The following PTER variants were observed in gnomAD, a reference collection of about 807,000 sequenced individuals.
PTER encodes the protein N-acetyltaurine hydrolase.
A neutral mutation model predicts 29.6 loss-of-function variants in PTER; 38 were observed. That is an observed-to-expected ratio of 1.28 (90% CI 0.99 to 1.68). The LOEUF is 1.68. Ranked by LOEUF, PTER falls within the 40% of genes most tolerant of loss-of-function variation. The pLI, the probability that PTER is intolerant of heterozygous loss-of-function variation, is 0.00. For synonymous variants in PTER, 172 were observed against 154.5 expected (o/e 1.11, Z -0.84); for missense variants, 482 against 427.8 (o/e 1.13, Z -1.12).
At chr10:16,442,980 T>TAA (rs1833897911) in intron 1 of PTER, among the ~76,000 whole-genome samples, 2 of 151,928 alleles carry the variant, frequency 1.3e-5, no homozygotes, top group African/African-American at 4.8e-5. Context: ...TCAAAAACAA[T>TAA]AAAAATAAGA....
chr10:16,515,113 A>T (rs187052789), downstream of PTER, among the ~76,000 whole-genome samples: 2 of 152,212 alleles, frequency 1.3e-5, no homozygotes, highest in East Asian at 3.9e-4. Flanking sequence ...GCTGTTTATG[A>T]GTACAGAAGT....
At chr10:16,501,206 C>T (rs1273763601) in intron 3 of PTER, among the ~76,000 whole-genome samples, 1 of 152,120 alleles carries the variant, frequency 6.6e-6, no homozygotes, top group Non-Finnish European at 1.5e-5. Flanking sequence ...GCTGGGATTA[C>T]AGGTGTGAGC....
In PTER at chr10:16,480,192, C is replaced by CT. The variant is rs1835425205; in HGVS notation, c.-48-4145_-48-4144insT. Among the ~76,000 whole-genome samples, 3 of 100,242 alleles carry CT rather than the reference C, an allele frequency of 3.0e-5. No individual in the cohort carries two copies. The South Asian group carries it at 1.1e-3, about 38-fold the overall frequency. The allele number at this position is 100,242 out of a possible 152,430, so 65.8% of individuals were successfully genotyped here. ...ACTCAGTTTTGTAATTTGACTATAG[C>CT]ATTTTTTTTTTTTTTGAGATAGAGT... On this transcript the variant is annotated intron_variant, in intron 1 of 4. Coordinates refer to ENST00000535784, the MANE Select transcript of PTER (RefSeq NM_001261836.2).
intron 1 of PTER, among the ~76,000 whole-genome samples, chr10:16,477,661 A>C (rs1835329122): frequency 6.6e-6 from 1 of 152,164 alleles, no homozygotes; most frequent in Non-Finnish European, 1.5e-5. Context: ...TGGTTAACCA[A>C]GTTGCCCAAA....
At chr10:16,473,190 T>C (rs553604620) in intron 1 of PTER, among the ~76,000 whole-genome samples, 26 of 152,116 alleles carry the variant, frequency 1.7e-4, no homozygotes, top group African/African-American at 5.3e-4. Flanking sequence ...TGATGCAAAA[T>C]AAACACTAGA....
downstream of PTER, among the ~76,000 whole-genome samples, chr10:16,515,031 A>G (rs1234401854): frequency 1.3e-5 from 2 of 152,138 alleles, no homozygotes; most frequent in African/African-American, 4.8e-5. Flanking sequence ...CCCTATGCCC[A>G]ATCACATTTT....
chr10:16,499,422 TAATTA>T (rs890169672), intron 3 of PTER, among the ~76,000 whole-genome samples: 1 of 151,082 alleles, frequency 6.6e-6, no homozygotes, highest in African/African-American at 2.5e-5. Context: ...ATTTTTAATT[TAATTA>T]TTTTATTTAT....
intron 1 of PTER, among the ~76,000 whole-genome samples, chr10:16,446,942 C>A (rs1480794208): frequency 6.6e-6 from 1 of 152,038 alleles, no homozygotes; most frequent in Non-Finnish European, 1.5e-5. Flanking sequence ...GCGTGCGCTA[C>A]CATGCCCAGC....
chr10:16,476,316 G>A (rs1301847054), intron 1 of PTER, among the ~76,000 whole-genome samples: 8 of 151,992 alleles, frequency 5.3e-5, no homozygotes, highest in Non-Finnish European at 5.9e-5. Flanking sequence ...TCCTGACCTC[G>A]TGATCTGCCC....
At chr10:16,498,920 G>A (rs1007863868) in intron 3 of PTER, among the ~76,000 whole-genome samples, 24 of 152,312 alleles carry the variant, frequency 1.6e-4, no homozygotes, top group African/African-American at 5.5e-4. Flanking sequence ...GACGTTCACG[G>A]CGCAAGGTGC....
At chr10:16,496,551 G>T (rs1229940007) in intron 3 of PTER, among the ~76,000 whole-genome samples, 1 of 152,148 alleles carries the variant, frequency 6.6e-6, no homozygotes. Flanking sequence ...TTCACCAGGG[G>T]TTTTCTCCTC....
In PTER at chr10:16,470,594, C is replaced by A. The variant is rs559026681; in HGVS notation, c.-48-13743C>A. ...ACCAGCCTGGCCAACAGAGTGAAAC[C>A]CCATGTCTACTAAAAATACAAAACT... On this transcript the variant is annotated intron_variant, in intron 1 of 4. Transcript: ENST00000535784. 3.3e-5 allele frequency among the ~76,000 whole-genome samples: 5 copies of A among 152,172 alleles called. No individual in the cohort carries two copies. In the South Asian group the frequency reaches 8.3e-4, roughly 25 times the overall value.
chr10:16,455,708 C>G (rs114676456), intron 1 of PTER, among the ~76,000 whole-genome samples: 2,728 of 151,892 alleles, frequency 0.018, 91 homozygotes, highest in African/African-American at 0.064. Context: ...AAAGAGCAAG[C>G]CAAGAGGTAA....
chr10:16,459,721 G>GAGTT (rs1197021291), intron 1 of PTER, among the ~76,000 whole-genome samples: 2 of 148,718 alleles, frequency 1.3e-5, no homozygotes, highest in Admixed American at 6.7e-5. Context: ...GTATATTTCA[G>GAGTT]AGTTATTTAT....
At chr10:16,443,159 G>A (rs1436200439) in intron 1 of PTER, among the ~76,000 whole-genome samples, 1 of 152,126 alleles carries the variant, frequency 6.6e-6, no homozygotes, top group African/African-American at 2.4e-5. Flanking sequence ...TCTGGCAGCT[G>A]GAAGTCCCAG....
rs1034227135 is a variant in PTER, at chr10:16,511,630, G to A, written c.*374G>A. 1 of 198,488 alleles carries A rather than the reference G, an allele frequency of 5.0e-6. No homozygotes were observed. The highest frequency in any genetic ancestry group is 2.2e-3 in the Middle Eastern group (1 of 456). The allele number at this position is 198,488 out of a possible 1,614,324, so 12.3% of individuals were successfully genotyped here. A position where few individuals can be genotyped will look rare whatever the true frequency, so the allele number is the denominator to read the frequency against. On this transcript the variant is annotated 3_prime_UTR_variant, in exon 5 of 5. Transcript: ENST00000535784. The stretch of plus-strand genomic sequence containing the variant: ...TTATTTCCTTCTTGAGCGATCTAAT[G>A]TTTCTTGTAATATTGATGATCCTAC...
chr10:16,500,714 C>A (rs1175276070), intron 3 of PTER, among the ~76,000 whole-genome samples: 2 of 152,028 alleles, frequency 1.3e-5, no homozygotes, highest in East Asian at 3.9e-4. Flanking sequence ...TCCCTACAGT[C>A]CCTATTCATC....
chr10:16,473,328 A>G (rs561607514), intron 1 of PTER, among the ~76,000 whole-genome samples: 1 of 152,174 alleles, frequency 6.6e-6, no homozygotes, highest in East Asian at 1.9e-4. Context: ...ACCTCATGAT[A>G]TATTCATTAT....
At chr10:16,468,243 G>A (rs1387974970) in intron 1 of PTER, among the ~76,000 whole-genome samples, 3 of 152,160 alleles carry the variant, frequency 2.0e-5, no homozygotes, top group Non-Finnish European at 2.9e-5. Flanking sequence ...TCGGAAGGCC[G>A]AGGCAGGAGA....
Sources: allele counts gnomAD v4.1 joint callset (sites outside exome capture counted in the v4.1 genomes callset), GRCh38; gene constraint gnomAD v4.1.1; transcripts MANE v1.5; gene names NCBI Gene and HGNC (gene_info 2026-07-23, HGNC 2026-07-21).